The following PNPLA6 variants were observed in gnomAD, a reference collection of about 807,000 sequenced individuals.
The protein encoded by PNPLA6 is patatin-like phospholipase domain-containing protein 6.
A neutral mutation model predicts 153.7 loss-of-function variants in PNPLA6; 105 were observed. The ratio of observed to expected loss-of-function variants is 0.68; its 90% CI spans 0.58 to 0.80. The LOEUF is 0.80. Ranked by LOEUF, PNPLA6 falls within the 30% of genes least tolerant of loss-of-function variation. PNPLA6 has a pLI of 0.00. For missense variants in PNPLA6, 1,423 were observed against 1,919.3 expected (o/e 0.74, Z 4.83); for synonymous variants, 825 against 822.2 (o/e 1.00, Z -0.06).
Position 7,561,753 on chromosome 19 carries a change from G to A in PNPLA6, c.*191G>A, listed in dbSNP as rs1415077623. The A allele has an allele frequency of 7.1e-6, 5 of 700,630 alleles. No individual in the cohort carries two copies. Among genetic ancestry groups the A allele is most frequent in the Admixed American group, 2.0e-5 (1 of 49,912 alleles). 43.4% of individuals were successfully genotyped at this position (700,630 alleles called of 1,614,324 possible). On this transcript the variant is annotated 3_prime_UTR_variant, in exon 32 of 32. Transcript: ENST00000600737. ...GACCAGCCCCTCCCCCAATAAACTC[G>A]CCTCTTGGAAATGGCTTCCTGTCGT...
rs1439604599 is a variant in PNPLA6, at chr19:7,540,723, T to C, written c.795+13T>C. 6.2e-7 allele frequency: 1 copy of C among 1,608,764 alleles called. No homozygotes were observed. The highest frequency in any genetic ancestry group is 1.1e-5 in the South Asian group (1 of 90,946). Reference sequence around the variant, plus strand: ...GGATGTCATCACCGTGAGTGACCAGTTTCTGAGGCAGGGGGGCTGGGGTGC... The same window carrying C: ...GGATGTCATCACCGTGAGTGACCAGCTTCTGAGGCAGGGGGGCTGGGGTGC... On this transcript the variant is annotated intron_variant, in intron 6 of 31. Coordinates refer to ENST00000600737, the MANE Select transcript of PNPLA6 (RefSeq NM_001166114.2). This position sits in a 1 kb window ranked among gnomAD's most constrained non-coding sequence, Gnocchi z 6.8.
chr19:7,555,446 G>T lies in PNPLA6; in HGVS notation c.2936+79G>T, dbSNP rs577151518. 1.5e-6 allele frequency: 2 copies of T among 1,341,140 alleles called. No individual in the cohort carries two copies. The highest frequency in any genetic ancestry group is 2.1e-6 in the Non-Finnish European group (2 of 969,544). 83.1% of individuals were successfully genotyped at this position (1,341,140 alleles called of 1,614,324 possible). ...CTTCCTGGGAGAAACCGTGGGGGCGGGGCCTGGGTGTTCGAGGGTGGAGCT... is the reference window on the plus strand; with the variant it reads ...CTTCCTGGGAGAAACCGTGGGGGCGTGGCCTGGGTGTTCGAGGGTGGAGCT... On this transcript the variant is annotated intron_variant, in intron 23 of 31. Coordinates refer to ENST00000600737, the MANE Select transcript of PNPLA6 (RefSeq NM_001166114.2). The surrounding 1 kb of genome is among the most constrained non-coding windows in gnomAD (Gnocchi z 6.3).
chr19:7,537,548 G>A (rs1750784109), intron 3 of PNPLA6, among the ~76,000 whole-genome samples: 1 of 152,220 alleles, frequency 6.6e-6, no homozygotes, highest in Non-Finnish European at 1.5e-5. Flanking sequence ...GCGTCATGTA[G>A]TCTACCTGGA....
intron 28 of PNPLA6, 115 bp from the exon 29 acceptor site, chr19:7,560,533 T>C (rs916843810): frequency 2.7e-4 from 208 of 777,802 alleles, no homozygotes; most frequent in Admixed American, 2.5e-4. Flanking sequence ...AGGTTTAGTC[T>C]CAAATGCAAC....
At chr19:7,537,608 A>G (rs1038724044) in intron 3 of PNPLA6, among the ~76,000 whole-genome samples, 15 of 152,068 alleles carry the variant, frequency 9.9e-5, no homozygotes, top group East Asian at 1.9e-4. Context: ...TCCATGATCA[A>G]TAGTCCTGCA....
At chr19:7,549,111 T>A (rs924624017) in intron 13 of PNPLA6, among the ~76,000 whole-genome samples, 13 of 150,236 alleles carry the variant, frequency 8.7e-5, no homozygotes, top group East Asian at 6.0e-4. Flanking sequence ...CTAAAAAATA[T>A]TTTTATATTT....
intron 13 of PNPLA6, among the ~76,000 whole-genome samples, chr19:7,548,876 C>T (rs1432261194): frequency 6.8e-6 from 1 of 147,958 alleles, no homozygotes; most frequent in Admixed American, 6.7e-5. Context: ...GATCTCGGCT[C>T]ACTGCAAGCT....
intron 13 of PNPLA6, among the ~76,000 whole-genome samples, chr19:7,546,177 A>G (rs1183881262): frequency 1.3e-5 from 2 of 152,144 alleles, no homozygotes; most frequent in East Asian, 1.9e-4. Context: ...AGGCAGAAGG[A>G]AGAGCTTGTG....
rs2023139711 is a variant in PNPLA6, at chr19:7,541,527, C to T, written c.1011C>T (p.Ile337=). 6.2e-7 allele frequency: 1 copy of T among 1,608,300 alleles called. No individual in the cohort carries two copies. The highest frequency in any genetic ancestry group is 8.5e-7 in the Non-Finnish European group (1 of 1,177,614). ...AAGCTGTTCTCTGCCCCCAGGAGAT[C>T]CAGCCCCTGCGTCTGTTCCCCAGCC... The part of the protein sequence containing the change: ...GLTNELFSHE[I]QPLRLFPSPG... Residue 337 remains isoleucine (I), a synonymous_variant, in exon 9 of 32, where the codon ATC becomes ATT. Coordinates refer to ENST00000600737, the MANE Select transcript of PNPLA6 (RefSeq NM_001166114.2). The surrounding 1 kb of genome is among the most constrained non-coding windows in gnomAD (Gnocchi z 5.2).
chr19:7,557,970 G>A (rs2023957770), intron 27 of PNPLA6, among the ~76,000 whole-genome samples: 2 of 152,182 alleles, frequency 1.3e-5, no homozygotes, highest in South Asian at 2.1e-4. Context: ...TCAGGGGCAG[G>A]TAGGGCTTAC....
In PNPLA6 at chr19:7,536,183, A is replaced by G. The variant is rs369490744; in HGVS notation, c.233-8A>G. On this transcript the variant is annotated splice_region_variant and splice_polypyrimidine_tract_variant and intron_variant, in intron 1 of 31. Coordinates refer to ENST00000600737, the MANE Select transcript of PNPLA6 (RefSeq NM_001166114.2). The stretch of plus-strand genomic sequence containing the variant: ...GCTCGGAGTGCCCCTGTCCCCACCT[A>G]TCCCCAGAAACCCCAGCCCCGGATG... The G allele has an allele frequency of 4.4e-5, 71 of 1,601,552 alleles. No homozygotes were observed. Among genetic ancestry groups the G allele is most frequent in the Non-Finnish European group, 5.6e-5 (66 of 1,168,886 alleles).
intron 27 of PNPLA6, among the ~76,000 whole-genome samples, chr19:7,558,360 A>G (rs1443215157): frequency 6.6e-6 from 1 of 152,192 alleles, no homozygotes; most frequent in Non-Finnish European, 1.5e-5. Flanking sequence ...AGCTGGGCAC[A>G]GTGGCTCATG....
chr19:7,550,391 C>A lies in PNPLA6; in HGVS notation c.1908C>A (p.Ile636=). The change falls in exon 15 of 32, where the codon ATC becomes ATA. Residue 636 remains isoleucine, a synonymous_variant. Transcript: ENST00000600737. ...SPFVRQMDFA[I]DWTAVEAGRA... is the part of the protein sequence containing the mutation. ...TCGTGCGCCAGATGGACTTCGCCAT[C>A]GACTGGACTGCAGTGGAGGCGGGAC... is the stretch of plus-strand genomic sequence containing the variant. The A allele has an allele frequency of 1.2e-6, 2 of 1,611,932 alleles. No individual in the cohort carries two copies. The highest frequency in any genetic ancestry group is 1.7e-6 in the Non-Finnish European group (2 of 1,180,010).
Position 7,542,646 on chromosome 19 carries a change from G to A in PNPLA6, c.1338G>A (p.Gly446=), listed in dbSNP as rs773674708. The A allele has an allele frequency of 1.2e-6, 2 of 1,613,230 alleles. No homozygotes were observed. Among genetic ancestry groups the A allele is most frequent in the East Asian group, 4.5e-5 (2 of 44,890 alleles). Residue 446 remains glycine (G), a synonymous_variant, in exon 11 of 32, where the codon GGG becomes GGA. Transcript: ENST00000600737. ...TGTCCCTGCAGGAAGAGGCCTCCGGGGGGTCCCTGGCAGCCCCCGCTCGGG... is the reference window on the plus strand; with the variant it reads ...TGTCCCTGCAGGAAGAGGCCTCCGGAGGGTCCCTGGCAGCCCCCGCTCGGG... ...ISVSLQEEAS[G]GSLAAPARTP... is the part of the protein sequence containing the mutation.
At position 7,561,108 on chromosome 19, in the gene PNPLA6, A is replaced by G. The variant is rs2024080932; in HGVS notation, c.3911A>G (p.Asp1304Gly). ...PTSYVSDGCADGEESDCLTEY... is the reference protein window; with the variant it reads ...PTSYVSDGCAGGEESDCLTEY... Reference sequence around the variant, plus strand: ...AGCTATGTCTCTGATGGCTGTGCTGACGGTGAGGGGCCCAGGGGACCCCCC... The same window carrying G: ...AGCTATGTCTCTGATGGCTGTGCTGGCGGTGAGGGGCCCAGGGGACCCCCC... Residue 1304 changes from aspartate (D) to glycine (G), a missense_variant and splice_region_variant, in exon 30 of 32, where the codon GAC becomes GGC. Physicochemically the swap from Asp to Gly is moderately conservative, Grantham distance 94. Transcript: ENST00000600737. 2 of 1,591,036 alleles carry G rather than the reference A, an allele frequency of 1.3e-6. No homozygotes were observed. Among genetic ancestry groups the G allele is most frequent in the Non-Finnish European group, 1.7e-6 (2 of 1,172,898 alleles).
In PNPLA6 at chr19:7,541,642, C is replaced by A. The variant is rs780122556; in HGVS notation, c.1126C>A (p.Arg376=). 211 of 1,584,886 alleles carry A rather than the reference C, an allele frequency of 1.3e-4. No homozygotes were observed. The highest frequency in any genetic ancestry group is 1.6e-4 in the Non-Finnish European group (188 of 1,166,658). ...AGACGAGCCCAGGGAGACCCCAGGG[C>A]GGCCACCCGATCCCACCGGGGCCCC... is the stretch of plus-strand genomic sequence containing the variant. ...ATDEPRETPG[R]PPDPTGAPLP... Residue 376 remains arginine (R), a synonymous_variant, in exon 9 of 32, where the codon CGG becomes AGG. Transcript: ENST00000600737. This position sits in a 1 kb window ranked among gnomAD's most constrained non-coding sequence, Gnocchi z 5.2.
intron 14 of PNPLA6, 79 bp from the exon 15 acceptor site, chr19:7,550,219 G>GC (rs2023582737): frequency 1.2e-6 from 2 of 1,609,948 alleles, no homozygotes; most frequent in African/African-American, 1.3e-5. Context: ...GCAGAAGGGA[G>GC]CCCCCAGATC....
At position 7,550,307 on chromosome 19, in the gene PNPLA6, C is replaced by A. The variant is rs759282932; in HGVS notation, c.1824C>A (p.Arg608=). The A allele has an allele frequency of 6.2e-7, 1 of 1,612,774 alleles. No homozygotes were observed. Among genetic ancestry groups the A allele is most frequent in the African/African-American group, 1.3e-5 (1 of 74,950 alleles). ...AAGTCTGTTCCTGCAGGATCATGCGCGCACAGCCCAGTGTGGTGCTGAGTG... is the reference window on the plus strand; with the variant it reads ...AAGTCTGTTCCTGCAGGATCATGCGAGCACAGCCCAGTGTGGTGCTGAGTG... ...ISKSDFYEIM[R]AQPSVVLSAA... is the part of the protein sequence containing the mutation. Residue 608 remains arginine (R), a synonymous_variant, in exon 15 of 32, where the codon CGC becomes CGA. Coordinates refer to ENST00000600737, the MANE Select transcript of PNPLA6 (RefSeq NM_001166114.2).
chr19:7,553,782 A>G, intron 18 of PNPLA6, 93 bp from the exon 19 acceptor site: 1 of 1,534,040 alleles, frequency 6.5e-7, no homozygotes, highest in Non-Finnish European at 9.0e-7. Flanking sequence ...CAAGAATTTC[A>G]GATAAGGAGG....
Sources: gnomAD v4.1 joint callset for allele counts (sites outside exome capture counted in the v4.1 genomes callset) on GRCh38, gnomAD v4.1.1 for gene constraint, Gnocchi (gnomAD v3.1) non-coding constraint, MANE v1.5 for transcripts, NCBI Gene and HGNC (gene_info 2026-07-23, HGNC 2026-07-21) for gene names.